NLRP8: variants seen among roughly 807,000 people sequenced by gnomAD.
NLRP8 encodes NLR family pyrin domain containing 8.
NLRP8 carries 86 observed loss-of-function variants against 88.7 expected under a neutral mutation model. The observed-to-expected ratio is 0.97, with a 90% CI of 0.81 to 1.16. The LOEUF is 1.16. Among genes scored for constraint, NLRP8 ranks in the 50% most tolerant of loss-of-function variants. The probability of loss-of-function intolerance (pLI) is 0.00; values close to 1 mark genes in which losing one functional copy is unlikely to be tolerated. For missense variants in NLRP8, 1,342 were observed against 1,286.5 expected, an observed-to-expected ratio of 1.04 and a Z score of -0.66; for synonymous variants, 504 against 494.6, an observed-to-expected ratio of 1.02 and a Z score of -0.25.
intron 1 of NLRP8, among the ~76,000 whole-genome samples, chr19:55,951,994 C>T (rs1979115702): frequency 6.6e-6 from 1 of 152,240 alleles, no homozygotes; most frequent in Non-Finnish European, 1.5e-5. Context: ...TCAAGCAATC[C>T]TCCTGCCTCA....
rs777546702 is a variant in NLRP8, at chr19:55,988,440, GTGTGTATATATATA to G, written c.*529_*542del. On this transcript the variant is annotated 3_prime_UTR_variant, in exon 10 of 10. Coordinates refer to ENST00000291971, the MANE Select transcript of NLRP8 (RefSeq NM_176811.2). Reference sequence around the variant, plus strand: ...TATACACATAAATATATATATGTGTGTGTGTATATATATATATATATATATATATGCTATATAAA... The same window carrying G: ...TATACACATAAATATATATATGTGTGTATATATATATATATGCTATATAAA... The G allele has an allele frequency of 0.088, 8,831 of 100,552 alleles. 393 individuals are homozygous for G. Among genetic ancestry groups the G allele is most frequent in the Middle Eastern group, 0.13 (28 of 216 alleles). 6.2% of individuals were successfully genotyped at this position (100,552 alleles called of 1,614,324 possible).
chr19:55,967,161 T>G (rs1449577436), intron 5 of NLRP8, among the ~76,000 whole-genome samples: 1 of 152,248 alleles, frequency 6.6e-6, no homozygotes, highest in Non-Finnish European at 1.5e-5. Context: ...CTAGGTCTTA[T>G]TCTTTTTCAA....
chr19:55,955,877 C>T lies in NLRP8; in HGVS notation c.1819C>T (p.Pro607Ser), dbSNP rs763234884. 1 of 1,614,136 alleles carries T rather than the reference C, an allele frequency of 6.2e-7. No homozygotes were observed. Among genetic ancestry groups the T allele is most frequent in the South Asian group, 1.1e-5 (1 of 91,082 alleles). The change falls in exon 3 of 10, where the codon CCG (proline) becomes TCG (serine). Residue 607 changes from proline (P) to serine (S), a missense_variant. Physicochemically the swap from Pro to Ser is moderately conservative, Grantham distance 74 (BLOSUM62 -1). Transcript: ENST00000291971. ...CCCACCTTCTCCGGGCAGTGGGGTC[C>T]CGCAGTTATTCTACTGTCTGCATGA... is the stretch of plus-strand genomic sequence containing the variant.
At chr19:55,971,016 C>T (rs996821423) in intron 6 of NLRP8, among the ~76,000 whole-genome samples, 3 of 152,050 alleles carry the variant, frequency 2.0e-5, no homozygotes, top group Admixed American at 6.6e-5. Flanking sequence ...GTTTTATTGA[C>T]CCTGCCCCCG....
At chr19:55,970,420 G>C in intron 5 of NLRP8, 124 bp from the exon 6 acceptor site, 2 of 1,182,272 alleles carry the variant, frequency 1.7e-6, no homozygotes, top group Admixed American at 2.3e-5. Flanking sequence ...TGGCCGGAAA[G>C]TTGGAAATAA....
intron 1 of NLRP8, among the ~76,000 whole-genome samples, chr19:55,948,988 A>G (rs2123179063): frequency 6.6e-6 from 1 of 152,332 alleles, no homozygotes; most frequent in South Asian, 2.1e-4. Context: ...CCAAAACCTC[A>G]TCTTCAATAT....
At chr19:55,977,070 ACT>A (rs1466747492) in intron 8 of NLRP8, among the ~76,000 whole-genome samples, 1 of 145,506 alleles carries the variant, frequency 6.9e-6, no homozygotes, top group African/African-American at 2.5e-5. Flanking sequence ...ACAGAGTGAG[ACT>A]CTGTCTCAAA....
rs138307208 is a variant in NLRP8, at chr19:55,955,878, C to T, written c.1820C>T (p.Pro607Leu). Residue 607 changes from proline to leucine, a missense_variant, in exon 3 of 10, where the codon CCG (proline) becomes CTG (leucine). By Grantham distance (98) the Pro-to-Leu change is moderately conservative. Transcript: ENST00000291971. ...CCACCTTCTCCGGGCAGTGGGGTCC[C>T]GCAGTTATTCTACTGTCTGCATGAA... 4.3e-5 allele frequency: 69 copies of T among 1,613,988 alleles called. No homozygotes were observed. Among genetic ancestry groups the T allele is most frequent in the African/African-American group, 6.7e-5 (5 of 74,896 alleles).
intron 3 of NLRP8, among the ~76,000 whole-genome samples, chr19:55,958,683 C>T (rs528326337): frequency 6.6e-6 from 1 of 152,134 alleles, no homozygotes. Flanking sequence ...AAAAATTTGC[C>T]AACCCCTGCT....
At chr19:55,973,558 C>T (rs1980171081) in intron 6 of NLRP8, 94 bp from the exon 7 acceptor site, 6 of 1,174,312 alleles carry the variant, frequency 5.1e-6, no homozygotes, top group Non-Finnish European at 7.1e-6. Context: ...GATGCTTCTG[C>T]ATCCAGAGGG....
chr19:55,955,180 G>T lies in NLRP8; in HGVS notation c.1122G>T (p.Glu374Asp), dbSNP rs1307170708. ...TCCAGATGTATTTTGGACACACAGA[G>T]GAGGGAGACCAAGTCTTGAGTTTCG... The change falls in exon 3 of 10, where the codon GAG becomes GAT. Residue 374 changes from glutamate (E) to aspartate (D), a missense_variant. By Grantham distance (45) the Glu-to-Asp change is conservative. Transcript: ENST00000291971. 6.2e-7 allele frequency: 1 copy of T among 1,614,160 alleles called. No homozygotes were observed. Among genetic ancestry groups the T allele is most frequent in the South Asian group, 1.1e-5 (1 of 91,084 alleles).
intron 2 of NLRP8, among the ~76,000 whole-genome samples, chr19:55,953,730 C>A (rs1250493192): frequency 1.3e-5 from 2 of 151,284 alleles, no homozygotes; most frequent in South Asian, 2.1e-4. Flanking sequence ...AAACTCCTAA[C>A]CTCGTGCCCG....
chr19:55,965,826 C>A (rs1464625907), intron 4 of NLRP8, among the ~76,000 whole-genome samples: 1 of 123,252 alleles, frequency 8.1e-6, no homozygotes, highest in Non-Finnish European at 1.6e-5. Context: ...CCCCCAGAGG[C>A]CCCGGTATGT....
At chr19:55,987,622 A>T (rs1377578045) in intron 9 of NLRP8, among the ~76,000 whole-genome samples, 1 of 152,186 alleles carries the variant, frequency 6.6e-6, no homozygotes, top group Non-Finnish European at 1.5e-5. Flanking sequence ...AAATCATTCA[A>T]AGCTGGGTCT....
intron 5 of NLRP8, among the ~76,000 whole-genome samples, chr19:55,969,145 T>A (rs543172974): frequency 2.6e-5 from 4 of 152,330 alleles, no homozygotes; most frequent in Admixed American, 2.6e-4. Flanking sequence ...GTACAGGTGA[T>A]TTTTGGTTAC....
chr19:55,961,776 C>T (rs11671351), intron 3 of NLRP8, among the ~76,000 whole-genome samples: 34,180 of 152,054 alleles, frequency 0.22, 3,927 homozygotes, highest in South Asian at 0.26. Context: ...CCAGCCTGGG[C>T]GGCAGAGTGA....
Position 55,956,053 on chromosome 19 carries a change from C to T in NLRP8, c.1995C>T (p.Asn665=). The T allele has an allele frequency of 6.2e-7, 1 of 1,614,084 alleles. No homozygotes were observed. The highest frequency in any genetic ancestry group is 8.5e-7 in the Non-Finnish European group (1 of 1,179,960). The change falls in exon 3 of 10, where the codon AAC becomes AAT. Residue 665 remains asparagine, a synonymous_variant. Transcript: ENST00000291971. The stretch of plus-strand genomic sequence containing the variant: ...AGGTGGAACTGACCGTCACCCTGAA[C>T]TTCATGAACGTGTGGAAGCTCAGCT...
chr19:55,952,415 A>G lies in NLRP8; in HGVS notation c.368-123A>G, dbSNP rs116827299. 1,118 of 706,886 alleles carry G rather than the reference A, an allele frequency of 1.6e-3. 9 individuals carry two copies. In the African/African-American group the frequency reaches 0.018, roughly 11 times the overall value. The allele number at this position is 706,886 out of a possible 1,614,324, so 43.8% of individuals were successfully genotyped here. A position where few individuals can be genotyped will look rare whatever the true frequency, so the allele number is the denominator to read the frequency against. Reference sequence around the variant, plus strand: ...TTCTTCTCCCTGAACGGAGGTGGTGAGAGGATGAGACTCTGAAGCCATGTG... The same window carrying G: ...TTCTTCTCCCTGAACGGAGGTGGTGGGAGGATGAGACTCTGAAGCCATGTG... On this transcript the variant is annotated intron_variant, in intron 1 of 9. Transcript: ENST00000291971.
At chr19:55,956,129 C>T (rs909265124) in intron 3 of NLRP8, 29 bp downstream of exon 3, 2 of 1,580,036 alleles carry the variant, frequency 1.3e-6, no homozygotes, top group East Asian at 2.2e-5. Flanking sequence ...CCTTGGGTAG[C>T]CCGTCCTACC....
Sources: allele counts gnomAD v4.1 joint callset (sites outside exome capture counted in the v4.1 genomes callset), GRCh38; gene constraint gnomAD v4.1.1; transcripts MANE v1.5; gene names NCBI Gene and HGNC (gene_info 2026-07-23, HGNC 2026-07-21).